The following ACAD8 variants were observed in gnomAD, a reference collection of about 807,000 sequenced individuals.
The protein encoded by ACAD8 is isobutyryl-CoA dehydrogenase, mitochondrial.
In ACAD8, 47 loss-of-function variants were observed where a neutral mutation model predicts 53.1. That is an observed-to-expected ratio of 0.89 (90% CI 0.70 to 1.13). ACAD8 has a LOEUF of 1.13. Ranked by LOEUF, ACAD8 falls within the 50% of genes most tolerant of loss-of-function variation. ACAD8 has a pLI of 0.00. For synonymous variants in ACAD8, 198 were observed against 201.3 expected, an observed-to-expected ratio of 0.98 and a Z score of 0.14; for missense variants, 494 against 535.0, an observed-to-expected ratio of 0.92 and a Z score of 0.76.
chr11:134,264,778 G>A (rs1213789959), intron 10 of ACAD8, 130 bp from the exon 11 acceptor site: 1 of 831,814 alleles, frequency 1.2e-6, no homozygotes, highest in Non-Finnish European at 2.1e-6. Flanking sequence ...ATCTCTCCCA[G>A]GCTAAAAGCA....
rs1591515751 is a variant in ACAD8, at chr11:134,261,973, G to A, written c.1092+83G>A. The A allele has an allele frequency of 6.6e-7, 1 of 1,520,160 alleles. No individual in the cohort carries two copies. Among genetic ancestry groups the A allele is most frequent in the Non-Finnish European group, 9.0e-7 (1 of 1,111,012 alleles). The allele number at this position is 1,520,160 out of a possible 1,614,324, so 94.2% of individuals were successfully genotyped here. ...GTCTTGAGAGACATGAGTCAGATTT[G>A]GAACCCAGCCCTCCTGGAATCCCAC... On this transcript the variant is annotated intron_variant, in intron 9 of 10. Coordinates refer to ENST00000281182, the MANE Select transcript of ACAD8 (RefSeq NM_014384.3). This position sits in a 1 kb window ranked among gnomAD's most constrained non-coding sequence, Gnocchi z 4.2.
chr11:134,257,455 C>T (rs1939605583), intron 3 of ACAD8, among the ~76,000 whole-genome samples, 198 bp downstream of exon 3: 2 of 152,112 alleles, frequency 1.3e-5, no homozygotes, highest in South Asian at 2.1e-4. Context: ...AGGCAGATCA[C>T]GAGGTCAGGA....
intron 1 of ACAD8, among the ~76,000 whole-genome samples, chr11:134,254,135 GGTT>G (rs1939326490): frequency 6.5e-5 from 4 of 61,848 alleles, no homozygotes; most frequent in Admixed American, 4.9e-4. Context: ...CTTGGGGCTT[GGTT>G]GTTGTTGGGT....
chr11:134,254,422 AGTG>A (rs1376396869), intron 1 of ACAD8, among the ~76,000 whole-genome samples: 1 of 152,192 alleles, frequency 6.6e-6, no homozygotes, highest in Non-Finnish European at 1.5e-5. Flanking sequence ...TGTAGCGAGG[AGTG>A]GTGGAGACCC....
At chr11:134,258,269 A>T (rs1339495016) in intron 3 of ACAD8, 2 of 561,422 alleles carry the variant, frequency 3.6e-6, no homozygotes, top group South Asian at 2.0e-5. Flanking sequence ...ACCTAACTAG[A>T]AGTAGTACAA....
intron 4 of ACAD8, 31 bp downstream of exon 4, chr11:134,258,655 C>A: frequency 6.7e-7 from 1 of 1,497,910 alleles, no homozygotes; most frequent in Non-Finnish European, 9.3e-7. Context: ...TGAGATATAG[C>A]AGGGAGAGAT....
At chr11:134,256,258 C>T (rs565509624) in intron 1 of ACAD8, among the ~76,000 whole-genome samples, 2 of 152,354 alleles carry the variant, frequency 1.3e-5, no homozygotes, top group South Asian at 2.1e-4. Context: ...GCACTGTGGC[C>T]TCAACCTCTA....
chr11:134,260,848 A>C, intron 6 of ACAD8, 196 bp from the exon 7 acceptor site: 1 of 624,512 alleles, frequency 1.6e-6, no homozygotes, highest in Non-Finnish European at 2.8e-6. Context: ...AAGTTAGAAA[A>C]TGTTTAGCTG....
Position 134,261,591 on chromosome 11 carries a change from T to C in ACAD8, c.940-147T>C. ...AAGTGGACTTAGCACTTAAAAGCAA[T>C]AAATTTCCTCTATAGAAAAAGCAAG... On this transcript the variant is annotated intron_variant, in intron 8 of 10. Transcript: ENST00000281182. The surrounding 1 kb of genome is among the most constrained non-coding windows in gnomAD (Gnocchi z 4.2). 1 of 1,543,770 alleles carries C rather than the reference T, an allele frequency of 6.5e-7. No individual in the cohort carries two copies. Among genetic ancestry groups the C allele is most frequent in the East Asian group, 2.4e-5 (1 of 41,260 alleles).
At chr11:134,263,854 A>G (rs1212094929) in intron 10 of ACAD8, 15 of 985,290 alleles carry the variant, frequency 1.5e-5, no homozygotes, top group African/African-American at 1.7e-5. Flanking sequence ...GGATAAATCT[A>G]CAGTTTATGC....
chr11:134,257,268 A>G lies in ACAD8; in HGVS notation c.380+11A>G, dbSNP rs1939591731. On this transcript the variant is annotated intron_variant, in intron 3 of 10. Coordinates refer to ENST00000281182, the MANE Select transcript of ACAD8 (RefSeq NM_014384.3). ...TATAAGCATCCACAAGTGAGTGCCC[A>G]AGCTTGGAAGGCACAATGAAGTGCT... 2 of 1,613,952 alleles carry G rather than the reference A, an allele frequency of 1.2e-6. No homozygotes were observed. The highest frequency in any genetic ancestry group is 1.3e-5 in the African/African-American group (1 of 74,936).
At chr11:134,262,427 G>T in intron 9 of ACAD8, 93 bp from the exon 10 acceptor site, 1 of 805,514 alleles carries the variant, frequency 1.2e-6, no homozygotes. Context: ...GGTTTATGGC[G>T]GGCTGCCAGA....
intron 10 of ACAD8, among the ~76,000 whole-genome samples, chr11:134,264,577 TCTC>T (rs1940083397): frequency 6.6e-6 from 1 of 152,222 alleles, no homozygotes; most frequent in African/African-American, 2.4e-5. Context: ...TTTTGGTACA[TCTC>T]CTTTTAGGCA....
rs1246652854 is a variant in ACAD8 at position 134,262,731 on chromosome 11, T to G, written c.1195+109T>G. On this transcript the variant is annotated intron_variant, in intron 10 of 10. Transcript: ENST00000281182. The stretch of plus-strand genomic sequence containing the variant: ...TGGGCCTCAGGGTGCAGTCAAGCCC[T>G]GTCTGTCTCGAGGCTTCCTCCTCCC... 2.6e-6 allele frequency: 4 copies of G among 1,517,480 alleles called. No homozygotes were observed. In the South Asian group the frequency reaches 4.8e-5, roughly 18 times the overall value. 94.0% of individuals were successfully genotyped at this position (1,517,480 alleles called of 1,614,324 possible).
chr11:134,256,828 C>T, intron 2 of ACAD8, 180 bp downstream of exon 2: 4 of 680,194 alleles, frequency 5.9e-6, no homozygotes, highest in Non-Finnish European at 9.8e-6. Context: ...TTGTACATAA[C>T]TTTTTTTTTG....
intron 10 of ACAD8, among the ~76,000 whole-genome samples, chr11:134,264,514 A>C (rs1006305459): frequency 6.6e-6 from 1 of 150,602 alleles, no homozygotes; most frequent in African/African-American, 2.5e-5. Flanking sequence ...AGACTGTCTC[A>C]AAAGAAAAGT....
intron 4 of ACAD8, 45 bp from the exon 5 acceptor site, chr11:134,258,963 C>T: frequency 2.6e-6 from 4 of 1,525,008 alleles, no homozygotes; most frequent in Non-Finnish European, 3.6e-6. Context: ...CTCGACCTCA[C>T]TGACTTTCTC....
chr11:134,256,498 T>C, intron 1 of ACAD8, 50 bp from the exon 2 acceptor site: 1 of 1,500,160 alleles, frequency 6.7e-7, no homozygotes, highest in South Asian at 1.1e-5. Flanking sequence ...CAACACCTTG[T>C]TGGCAACACT....
In ACAD8 at chr11:134,261,286, C is replaced by G. The variant is rs771611393; in HGVS notation, c.853C>G (p.Leu285Val). 1.9e-6 allele frequency: 3 copies of G among 1,614,202 alleles called. No individual in the cohort carries two copies. The South Asian group carries it at 3.3e-5, about 18-fold the overall frequency. ...GGRINIASCS[L>V]GAAHASVILT... is the part of the protein sequence containing the mutation. ...CTCTTCCCCTCTAGCTTCCTGCTCC[C>G]TGGGGGCTGCCCACGCCTCTGTCAT... The change falls in exon 8 of 11, where the codon CTG becomes GTG. Residue 285 changes from leucine (L) to valine (V), a missense_variant. Coordinates refer to ENST00000281182, the MANE Select transcript of ACAD8 (RefSeq NM_014384.3). This position sits in a 1 kb window ranked among gnomAD's most constrained non-coding sequence, Gnocchi z 4.2.
Sources: allele counts gnomAD v4.1 joint callset (sites outside exome capture counted in the v4.1 genomes callset), GRCh38; gene constraint gnomAD v4.1.1; non-coding constraint Gnocchi (gnomAD v3.1); transcripts MANE v1.5; gene names NCBI Gene and HGNC (gene_info 2026-07-23, HGNC 2026-07-21).